PROX2: variants seen among roughly 807,000 people sequenced by gnomAD.
PROX2 encodes prospero homeobox protein 2.
Under a neutral mutation model 48.9 loss-of-function variants are expected in PROX2, and 46 were observed. That is an observed-to-expected ratio of 0.94 (90% confidence interval 0.74 to 1.20). The LOEUF (loss-of-function observed/expected upper bound fraction) is 1.20, where lower values mean the gene tolerates loss of function less well. Among genes scored for constraint, PROX2 ranks in the 50% most tolerant of loss-of-function variants. PROX2 has a pLI of 0.00. For synonymous variants in PROX2, 260 were observed against 276.6 expected (o/e 0.94, Z 0.60); for missense variants, 663 against 719.4 (o/e 0.92, Z 0.90).
At chr14:74,869,738 T>C (rs929916872) in intron 2 of PROX2, among the ~76,000 whole-genome samples, 1 of 152,376 alleles carries the variant, frequency 6.6e-6, no homozygotes, top group East Asian at 1.9e-4. Flanking sequence ...CTGGGCATTG[T>C]CTTTTAAATC....
intron 2 of PROX2, among the ~76,000 whole-genome samples, chr14:74,870,357 T>G (rs1002757398): frequency 6.7e-6 from 1 of 148,150 alleles, no homozygotes; most frequent in African/African-American, 2.5e-5. Flanking sequence ...ACCAAGAAGT[T>G]GAGGCTGCAG....
rs768226668 is a variant in PROX2 at position 74,863,002 on chromosome 14, G to T, written c.833C>A (p.Ala278Asp). 3.7e-6 allele frequency: 6 copies of T among 1,613,946 alleles called. No homozygotes were observed. Among genetic ancestry groups the T allele is most frequent in the Non-Finnish European group, 5.1e-6 (6 of 1,179,878 alleles). ...RSEPSPPVGGACKDPLALAAL... is the reference protein window; with the variant it reads ...RSEPSPPVGGDCKDPLALAAL... Reference sequence around the variant, plus strand: ...AGCCAAAGCAAGTGGATCTTTACAGGCCCCTCCCACAGGAGGTGAGGGCTC... The same window carrying T: ...AGCCAAAGCAAGTGGATCTTTACAGTCCCCTCCCACAGGAGGTGAGGGCTC... The change falls in exon 3 of 6, where the codon GCC becomes GAC. Residue 278 changes from alanine to aspartate, a missense_variant. Physicochemically the swap from Ala to Asp is moderately radical, Grantham distance 126. Coordinates refer to ENST00000556489, the MANE Select transcript of PROX2 (RefSeq NM_001243007.2).
chr14:74,868,754 G>A (rs1469395688), intron 2 of PROX2, among the ~76,000 whole-genome samples: 2 of 151,874 alleles, frequency 1.3e-5, no homozygotes, highest in South Asian at 2.1e-4. Context: ...GAAGAATGGC[G>A]TGAACCCAGG....
chr14:74,868,312 ATTATATAT>A (rs1436612603), intron 2 of PROX2, among the ~76,000 whole-genome samples: 2 of 56,600 alleles, frequency 3.5e-5, no homozygotes, highest in Non-Finnish European at 6.8e-5. Context: ...ATTTCTCGTA[ATTATATAT>A]ATATATATAT....
chr14:74,868,313 T>TTTTA (rs1319463267), intron 2 of PROX2, among the ~76,000 whole-genome samples: 3 of 53,780 alleles, frequency 5.6e-5, no homozygotes, highest in East Asian at 8.1e-4. Context: ...TTTCTCGTAA[T>TTTTA]TATATATATA....
chr14:74,859,123 A>C (rs2091775507), intron 3 of PROX2: 1 of 152,238 alleles, frequency 6.6e-6, no homozygotes, highest in Non-Finnish European at 1.5e-5. Flanking sequence ...CTCTTGCTCA[A>C]GAAGCTTGAA....
chr14:74,859,281 T>C (rs767570392), intron 3 of PROX2: 2 of 152,234 alleles, frequency 1.3e-5, no homozygotes, highest in Non-Finnish European at 2.9e-5. Flanking sequence ...TTGTACAAAC[T>C]GTTGCAGCGA....
At chr14:74,856,594 C>A in intron 5 of PROX2, 1 of 567,336 alleles carries the variant, frequency 1.8e-6, no homozygotes, top group Non-Finnish European at 3.1e-6. Flanking sequence ...AGAATGAAGA[C>A]TGGCTGTTGA....
intron 1 of PROX2, among the ~76,000 whole-genome samples, chr14:74,874,924 C>T (rs1022647455): frequency 1.3e-5 from 2 of 151,876 alleles, no homozygotes; most frequent in South Asian, 2.1e-4. Context: ...ATGGGTAGAT[C>T]GCCTGAGGTC....
At position 74,863,277 on chromosome 14, in the gene PROX2, C is replaced by T; in HGVS notation, c.558G>A (p.Trp186Ter). ...KQGNGCGPRP[W>*]VVDGDHQQGT... is the part of the protein sequence containing the mutation. ...CTTGCTGGTGGTCACCGTCCACAAC[C>T]CAGGGGCGAGGCCCACAGCCATTCC... The change falls in exon 3 of 6, where the codon TGG (tryptophan) becomes TGA (stop). Residue 186 changes from tryptophan to a stop codon, truncating the protein, a stop_gained. Coordinates refer to ENST00000556489, the MANE Select transcript of PROX2 (RefSeq NM_001243007.2). LOFTEE classifies it high-confidence loss of function. The T allele has an allele frequency of 1.2e-6, 2 of 1,613,956 alleles. No homozygotes were observed. Among genetic ancestry groups the T allele is most frequent in the Non-Finnish European group, 8.5e-7 (1 of 1,179,854 alleles).
Position 74,862,755 on chromosome 14 carries a change from A to G in PROX2, c.1080T>C (p.Ser360=), listed in dbSNP as rs764052823. The change falls in exon 3 of 6, where the codon AGT becomes AGC. Residue 360 remains serine (S), a synonymous_variant. Transcript: ENST00000556489. ...LGHRYNNGHW[S]SSPPQDSSSQ... ...AAGATGAGTCCTGGGGAGGACTGCT[A>G]CTCCAATGGCCATTGTTGTATCTAT... is the stretch of plus-strand genomic sequence containing the variant. 6.2e-7 allele frequency: 1 copy of G among 1,613,792 alleles called. No individual in the cohort carries two copies. The highest frequency in any genetic ancestry group is 8.5e-7 in the Non-Finnish European group (1 of 1,179,858).
chr14:74,864,058 T>C, intron 2 of PROX2, 50 bp from the exon 3 acceptor site: 1 of 395,028 alleles, frequency 2.5e-6, no homozygotes, highest in Non-Finnish European at 4.3e-6. Context: ...TGAACAGTCC[T>C]TTTAAAATGT....
intron 2 of PROX2, among the ~76,000 whole-genome samples, chr14:74,865,000 C>T (rs891999671): frequency 1.3e-5 from 2 of 150,998 alleles, no homozygotes; most frequent in African/African-American, 4.9e-5. Flanking sequence ...AAAAAATTAG[C>T]TGAGTGTGGT....
chr14:74,863,256 CTGGT>C lies in PROX2; in HGVS notation c.575_578del (p.His192ArgfsTer31), dbSNP rs1277230371. 6.2e-7 allele frequency: 1 copy of C among 1,613,856 alleles called. No individual in the cohort carries two copies. The highest frequency in any genetic ancestry group is 8.5e-7 in the Non-Finnish European group (1 of 1,179,806). On this transcript the variant is annotated frameshift_variant, in exon 3 of 6. Transcript: ENST00000556489. LOFTEE classifies it high-confidence loss of function. ...CAGAGAGGTCCTTGCTGGTACCTTGCTGGTGGTCACCGTCCACAACCCAGGGGCG... is the reference window on the plus strand; with the variant it reads ...CAGAGAGGTCCTTGCTGGTACCTTGCGGTCACCGTCCACAACCCAGGGGCG...
chr14:74,858,426 A>G lies in PROX2; in HGVS notation c.1394T>C (p.Val465Ala). 1 of 1,575,848 alleles carries G rather than the reference A, an allele frequency of 6.3e-7. No individual in the cohort carries two copies. Residue 465 changes from valine to alanine, a missense_variant, in exon 4 of 6, where the codon GTT becomes GCT. Val to Ala is a moderately conservative substitution (Grantham distance 64, BLOSUM62 0). Coordinates refer to ENST00000556489, the MANE Select transcript of PROX2 (RefSeq NM_001243007.2). The stretch of plus-strand genomic sequence containing the variant: ...CTTTACCTGAACATCAGGAAAATAA[A>G]CCTTCAGGAGGTTGGAGCTGGGATA... ...TRYPSSNLLK[V>A]YFPDVQFNRC...
chr14:74,860,740 T>C (rs722599), intron 3 of PROX2, among the ~76,000 whole-genome samples: 68,365 of 151,974 alleles, frequency 0.45, 16,315 homozygotes, highest in African/African-American at 0.62. Context: ...GTCAAGTACT[T>C]CACCCATGCA....
At chr14:74,860,788 A>G (rs2091788985) in intron 3 of PROX2, among the ~76,000 whole-genome samples, 1 of 152,194 alleles carries the variant, frequency 6.6e-6, no homozygotes, top group African/African-American at 2.4e-5. Context: ...GATAGGCCCC[A>G]AACCTCCAGA....
chr14:74,870,714 CA>C (rs1381030940), intron 2 of PROX2, among the ~76,000 whole-genome samples: 2 of 152,082 alleles, frequency 1.3e-5, no homozygotes, highest in Non-Finnish European at 2.9e-5. Flanking sequence ...ACTTTCCATT[CA>C]ATTTTGCTGT....
intron 2 of PROX2, among the ~76,000 whole-genome samples, chr14:74,868,669 CT>C (rs1265174915): frequency 1.7e-4 from 25 of 151,464 alleles, no homozygotes; most frequent in African/African-American, 5.6e-4. Context: ...CCCGTCTCTA[CT>C]AAAAAAAATA....
Sources: allele counts gnomAD v4.1 joint callset (sites outside exome capture counted in the v4.1 genomes callset), GRCh38; gene constraint gnomAD v4.1.1; transcripts MANE v1.5; gene names NCBI Gene and HGNC (gene_info 2026-07-23, HGNC 2026-07-21).